The following GRK7 variants were observed in gnomAD, a reference collection of about 807,000 sequenced individuals.
The protein encoded by GRK7 is rhodopsin kinase GRK7.
In GRK7, 24 loss-of-function variants were observed where a neutral mutation model predicts 34.1. The ratio of observed to expected loss-of-function variants is 0.70; its 90% CI spans 0.51 to 0.99. The LOEUF is 0.99. Ranked by LOEUF, GRK7 falls within the 50% of genes least tolerant of loss-of-function variation. The probability of loss-of-function intolerance (pLI) is 0.00; values close to 1 mark genes in which losing one functional copy is unlikely to be tolerated. For synonymous variants in GRK7, 256 were observed against 279.4 expected, an observed-to-expected ratio of 0.92 and a Z score of 0.84; for missense variants, 644 against 707.3, an observed-to-expected ratio of 0.91 and a Z score of 1.02.
chr3:141,778,704 G>A lies in GRK7; in HGVS notation c.420G>A (p.Glu140=), dbSNP rs1040642711. ...CCAAGTGCCAAGCAGCCACCACTGA[G>A]GAAGAGCGAGTGGCTGCAGTGACGC... ...VATKCQAATT[E]EERVAAVTLA... The change falls in exon 3 of 6, where the codon GAG becomes GAA. Residue 140 remains glutamate, a synonymous_variant. Coordinates refer to ENST00000682958, the MANE Select transcript of GRK7 (RefSeq NM_139209.3). The surrounding 1 kb of genome is among the most constrained non-coding windows in gnomAD (Gnocchi z 4.1). 6.8e-6 allele frequency: 11 copies of A among 1,613,280 alleles called. No individual in the cohort carries two copies. Among genetic ancestry groups the A allele is most frequent in the Non-Finnish European group, 9.3e-6 (11 of 1,179,554 alleles).
At chr3:141,776,785 T>C (rs984774680) in intron 2 of GRK7, among the ~76,000 whole-genome samples, 5 of 151,570 alleles carry the variant, frequency 3.3e-5, no homozygotes, top group Admixed American at 6.5e-5. Context: ...GACCAGCTTT[T>C]TTCCCCCTCC....
At chr3:141,783,659 AG>A (rs2084682589) in intron 4 of GRK7, among the ~76,000 whole-genome samples, 1 of 152,104 alleles carries the variant, frequency 6.6e-6, no homozygotes, top group Non-Finnish European at 1.5e-5. Context: ...AGACTCTGGA[AG>A]GGGGAGACTG....
At chr3:141,757,147 C>CTTTT in the GRK7 span, among the ~76,000 whole-genome samples, 5 of 89,474 alleles carry the variant, frequency 5.6e-5, no homozygotes, top group East Asian at 9.6e-4. Context: ...TTTTTTTTTT[C>CTTTT]TTTTTTTTTT....
rs2084648850 is a variant in GRK7 at position 141,778,032 on chromosome 3, C to CG, written c.-113-138dup. On this transcript the variant is annotated intron_variant, in intron 2 of 5. Transcript: ENST00000682958. The surrounding 1 kb of genome is among the most constrained non-coding windows in gnomAD (Gnocchi z 4.1). ...AAGGGACCAGTGGGGGAGGTGGCCC[C>CG]GGCAGGTGTCCCAGCAGCTTTCGCC... is the stretch of plus-strand genomic sequence containing the variant. 1 of 484,416 alleles carries CG rather than the reference C, an allele frequency of 2.1e-6. No homozygotes were observed. The highest frequency in any genetic ancestry group is 4.0e-5 in the South Asian group (1 of 24,696). 30.0% of individuals were successfully genotyped at this position (484,416 alleles called of 1,614,324 possible). A position where few individuals can be genotyped will look rare whatever the true frequency, so the allele number is the denominator to read the frequency against.
chr3:141,813,507 G>A (rs1463142488), intron 5 of GRK7, among the ~76,000 whole-genome samples: 1 of 152,198 alleles, frequency 6.6e-6, no homozygotes, highest in East Asian at 1.9e-4. Context: ...AAACCACACA[G>A]ACACTGGGGC....
At chr3:141,797,459 G>A (rs145358026) in intron 4 of GRK7, among the ~76,000 whole-genome samples, 4 of 152,340 alleles carry the variant, frequency 2.6e-5, no homozygotes, top group African/African-American at 9.6e-5. Flanking sequence ...CGAGAACAAA[G>A]CGGCCAGGCC....
chr3:141,784,791 G>A (rs1268308309), intron 4 of GRK7, among the ~76,000 whole-genome samples: 1 of 152,214 alleles, frequency 6.6e-6, no homozygotes, highest in Non-Finnish European at 1.5e-5. Context: ...CTCCAATGTG[G>A]CAGTGTTGGA....
chr3:141,756,848 C>G, the GRK7 span, among the ~76,000 whole-genome samples: 3 of 152,018 alleles, frequency 2.0e-5, no homozygotes, highest in Non-Finnish European at 2.9e-5. Context: ...TGTTCTGGTC[C>G]CCTGTGGAGG....
At chr3:141,777,491 A>ATTTTTTTTTTTTTTTTTTTTTTTTTTTTT in intron 2 of GRK7, among the ~76,000 whole-genome samples, 1 of 80,594 alleles carries the variant, frequency 1.2e-5, no homozygotes, top group Non-Finnish European at 2.3e-5. Flanking sequence ...AGCCCGGCTA[A>ATTTTTTTTTTTTTTTTTTTTTTTTTTTTT]TTTTTTTTTT....
intron 3 of GRK7, among the ~76,000 whole-genome samples, chr3:141,779,723 G>T (rs368796922): frequency 6.6e-6 from 1 of 152,148 alleles, no homozygotes; most frequent in Non-Finnish European, 1.5e-5. Flanking sequence ...CCACTAGTCC[G>T]CTTTCTGTCT....
At chr3:141,763,344 T>A (rs1451908941), upstream of GRK7, among the ~76,000 whole-genome samples, 4 of 152,184 alleles carry the variant, frequency 2.6e-5, no homozygotes, top group Admixed American at 2.6e-4. Context: ...TCACCATTCC[T>A]TGCTGTTAGG....
chr3:141,793,551 C>A (rs1559844423), intron 4 of GRK7, among the ~76,000 whole-genome samples: 1 of 152,310 alleles, frequency 6.6e-6, no homozygotes, highest in African/African-American at 2.4e-5. Flanking sequence ...GGGACTAAGA[C>A]CTCAGCCATC....
chr3:141,792,128 C>T (rs964830054), intron 4 of GRK7, among the ~76,000 whole-genome samples: 5 of 145,254 alleles, frequency 3.4e-5, no homozygotes, highest in East Asian at 2.1e-4. Flanking sequence ...TCAGACTGGG[C>T]GTGGTGGCTC....
At chr3:141,780,956 T>A in intron 4 of GRK7, 145 bp downstream of exon 4, 1 of 699,712 alleles carries the variant, frequency 1.4e-6, no homozygotes, top group Non-Finnish European at 2.4e-6. Context: ...CATCTTGCCT[T>A]AAGATGAGTG....
chr3:141,771,531 G>A (rs920310729), intron 1 of GRK7, among the ~76,000 whole-genome samples: 1 of 151,956 alleles, frequency 6.6e-6, no homozygotes, highest in African/African-American at 2.4e-5. Context: ...TAAAGTCTGG[G>A]AAGGATGGGA....
intron 5 of GRK7, among the ~76,000 whole-genome samples, chr3:141,813,647 A>G (rs1339789656): frequency 1.3e-5 from 2 of 152,208 alleles, no homozygotes; most frequent in African/African-American, 2.4e-5. Flanking sequence ...GAAAAGTCCA[A>G]GAAGTTCCGG....
intron 4 of GRK7, among the ~76,000 whole-genome samples, chr3:141,803,594 G>C (rs1403816689): frequency 2.0e-5 from 3 of 152,026 alleles, no homozygotes; most frequent in Non-Finnish European, 4.4e-5. Flanking sequence ...TGTCTCTATG[G>C]AATTGCCTAT....
the GRK7 span, among the ~76,000 whole-genome samples, chr3:141,751,250 A>G: frequency 6.6e-6 from 1 of 152,296 alleles, no homozygotes; most frequent in East Asian, 1.9e-4. Flanking sequence ...AACCTCTGCC[A>G]TACTAACTCT....
intron 4 of GRK7, among the ~76,000 whole-genome samples, chr3:141,793,203 G>C (rs1033464835): frequency 2.0e-5 from 3 of 152,228 alleles, no homozygotes; most frequent in African/African-American, 4.8e-5. Flanking sequence ...AACCCAAAGA[G>C]AGGTTTGTGG....
Sources: gnomAD v4.1 joint callset for allele counts (sites outside exome capture counted in the v4.1 genomes callset) on GRCh38, gnomAD v4.1.1 for gene constraint, Gnocchi (gnomAD v3.1) non-coding constraint, MANE v1.5 for transcripts, NCBI Gene and HGNC (gene_info 2026-07-23, HGNC 2026-07-21) for gene names.